EWSR1: variants seen among roughly 807,000 people sequenced by gnomAD.
EWSR1 encodes RNA-binding protein EWS.
In EWSR1, 14 loss-of-function variants were observed where a neutral mutation model predicts 92.1. The observed-to-expected ratio is 0.15, with a 90% CI of 0.10 to 0.24. The LOEUF (loss-of-function observed/expected upper bound fraction) is 0.24. Ranked by LOEUF, EWSR1 falls within the 10% of genes least tolerant of loss-of-function variation. EWSR1 has a pLI of 1.00. For synonymous variants in EWSR1, 303 were observed against 292.9 expected (o/e 1.03, Z -0.35); for missense variants, 637 against 870.9 (o/e 0.73, Z 3.38).
intron 8 of EWSR1, 22 bp from the exon 9 acceptor site, chr22:29,291,540 A>G: frequency 6.2e-7 from 1 of 1,611,060 alleles, no homozygotes; most frequent in Non-Finnish European, 8.5e-7. Context: ...AAAGGCCTTC[A>G]TTTCTTCGTT....
At chr22:29,277,213 T>A in intron 4 of EWSR1, 1 of 226,124 alleles carries the variant, frequency 4.4e-6, no homozygotes, top group Non-Finnish European at 8.8e-6. Flanking sequence ...GAGGAGAGAC[T>A]CTAGGGTTTA....
chr22:29,288,445 C>T (rs1027973632), intron 7 of EWSR1, among the ~76,000 whole-genome samples, 161 bp from the exon 8 acceptor site: 1 of 152,202 alleles, frequency 6.6e-6, no homozygotes, highest in Non-Finnish European at 1.5e-5. Flanking sequence ...TTTTGTTGAA[C>T]TTAAAAGAGC....
In EWSR1 at chr22:29,286,481, G is replaced by A. The variant is rs200772781; in HGVS notation, c.582-442G>A. ...AGGTGGGCGGATCATGAGGTCAGGA[G>A]ATGGAGACCATCCTGGCTAACAAGA... is the stretch of plus-strand genomic sequence containing the variant. On this transcript the variant is annotated intron_variant, in intron 6 of 16. Coordinates refer to ENST00000397938, the MANE Select transcript of EWSR1 (RefSeq NM_005243.4). Among the ~76,000 whole-genome samples, 17 of 152,048 alleles carry A rather than the reference G, an allele frequency of 1.1e-4. No homozygotes were observed. In the East Asian group the frequency reaches 3.3e-3, roughly 30 times the overall value.
At chr22:29,283,011 C>T (rs1208894849) in intron 6 of EWSR1, among the ~76,000 whole-genome samples, 1 of 152,224 alleles carries the variant, frequency 6.6e-6, no homozygotes, top group Non-Finnish European at 1.5e-5. Context: ...ATCCACCCAT[C>T]TCGGCCTCCC....
At chr22:29,278,987 T>C (rs1231764417) in intron 5 of EWSR1, among the ~76,000 whole-genome samples, 2 of 151,334 alleles carry the variant, frequency 1.3e-5, no homozygotes, top group Admixed American at 6.6e-5. Flanking sequence ...AGAGGAAGAC[T>C]TCACCTCAAA....
chr22:29,294,578 C>T (rs1190793241), intron 11 of EWSR1, among the ~76,000 whole-genome samples: 1 of 147,634 alleles, frequency 6.8e-6, no homozygotes, highest in Non-Finnish European at 1.5e-5. Context: ...GCATTCCAGC[C>T]TGGGTGACTG....
intron 8 of EWSR1, chr22:29,290,641 C>T: frequency 7.0e-7 from 1 of 1,425,504 alleles, no homozygotes; most frequent in Admixed American, 2.9e-5. Context: ...AGGTATAATA[C>T]TCTAGAATTG....
At position 29,299,738 on chromosome 22, in the gene EWSR1, CCGAGGTGGCTTTGGTGGAGGAAGA is replaced by C. The variant is rs1392007148; in HGVS notation, c.1828_1851del (p.Phe610_Gly617del). 6 of 1,610,602 alleles carry C rather than the reference CCGAGGTGGCTTTGGTGGAGGAAGA, an allele frequency of 3.7e-6. No individual in the cohort carries two copies. The highest frequency in any genetic ancestry group is 1.7e-5 in the Admixed American group (1 of 59,688). On this transcript the variant is annotated inframe_deletion, in exon 16 of 17. Transcript: ENST00000397938. ...GCTTCCGTGGTGGCCGGGGCATGGACCGAGGTGGCTTTGGTGGAGGAAGACGAGGTGGCCCTGGGGGGCCCCCTG... is the reference window on the plus strand; with the variant it reads ...GCTTCCGTGGTGGCCGGGGCATGGACCGAGGTGGCCCTGGGGGGCCCCCTG...
chr22:29,299,289 C>T lies in EWSR1; in HGVS notation c.1636C>T (p.Pro546Ser). The change falls in exon 15 of 17, where the codon CCA becomes TCA. Residue 546 changes from proline (P) to serine (S), a missense_variant. Transcript: ENST00000397938. ...WRTECNQCKAPKPEGFLPPPF... is the reference protein window; with the variant it reads ...WRTECNQCKASKPEGFLPPPF... ...AACAGAGTGCAACCAGTGTAAGGCC[C>T]CAAAGCCTGAAGGCTTCCTCCCGCC... is the stretch of plus-strand genomic sequence containing the variant. The T allele has an allele frequency of 5.6e-6, 9 of 1,614,032 alleles. No individual in the cohort carries two copies. Among genetic ancestry groups the T allele is most frequent in the Non-Finnish European group, 6.8e-6 (8 of 1,179,930 alleles).
Position 29,296,292 on chromosome 22 carries a change from A to G in EWSR1, c.1218A>G (p.Thr406=). The G allele has an allele frequency of 1.9e-6, 3 of 1,614,228 alleles. No individual in the cohort carries two copies. Among genetic ancestry groups the G allele is most frequent in the East Asian group, 2.2e-5 (1 of 44,892 alleles). Residue 406 remains threonine, a synonymous_variant, in exon 12 of 17, where the codon ACA becomes ACG. Transcript: ENST00000397938. ...PMIHIYLDKE[T]GKPKGDATVS... ...TCCACATCTACCTGGACAAGGAAAC[A>G]GGAAAGCCCAAAGGCGATGCCACAG...
intron 6 of EWSR1, among the ~76,000 whole-genome samples, chr22:29,284,625 T>G (rs2059878781): frequency 6.7e-6 from 1 of 148,784 alleles, no homozygotes; most frequent in Admixed American, 6.7e-5. Flanking sequence ...GTTAGAAGCT[T>G]TGTTTGTTTG....
chr22:29,297,967 C>T lies in EWSR1; in HGVS notation c.1417+18C>T, dbSNP rs1481929075. The T allele has an allele frequency of 1.2e-6, 2 of 1,603,968 alleles. No homozygotes were observed. Among genetic ancestry groups the T allele is most frequent in the Non-Finnish European group, 1.7e-6 (2 of 1,176,238 alleles). On this transcript the variant is annotated intron_variant, in intron 13 of 16. Transcript: ENST00000397938. ...CCGTGGAGGTACTTTTTCTGAGCTC[C>T]TATGTTGCATTAAAAGGTTTTCAGT...
At chr22:29,288,813 C>A in intron 8 of EWSR1, 27 bp downstream of exon 8, 1 of 1,536,060 alleles carries the variant, frequency 6.5e-7, no homozygotes, top group Non-Finnish European at 8.8e-7. Flanking sequence ...TCTCCTTTTA[C>A]CTAATTTTGT....
intron 12 of EWSR1, 54 bp from the exon 13 acceptor site, chr22:29,297,773 G>A (rs1342135813): frequency 6.2e-7 from 1 of 1,603,738 alleles, no homozygotes; most frequent in South Asian, 1.1e-5. Context: ...ATGATGTGGA[G>A]TTGGTGAACA....
At chr22:29,281,801 G>A (rs2059629095) in intron 5 of EWSR1, among the ~76,000 whole-genome samples, 1 of 150,574 alleles carries the variant, frequency 6.6e-6, no homozygotes, top group Non-Finnish European at 1.5e-5. Flanking sequence ...TAGCCAGGAT[G>A]GTCTCAATCT....
Position 29,268,346 on chromosome 22 carries a change from A to G in EWSR1, c.10A>G (p.Thr4Ala), listed in dbSNP as rs761661070. 1.2e-6 allele frequency: 2 copies of G among 1,614,166 alleles called. No homozygotes were observed. The highest frequency in any genetic ancestry group is 1.1e-5 in the South Asian group (1 of 91,088). MAS[T>A]DYSTYSQAAA... ...GGAGGAAGGAGAGAAAATGGCGTCC[A>G]CGGGTGAGTATGGTGGAACTGCGGT... The change falls in exon 1 of 17, where the codon ACG becomes GCG. Residue 4 changes from threonine (T) to alanine (A), a missense_variant. Transcript: ENST00000397938.
intron 4 of EWSR1, among the ~76,000 whole-genome samples, chr22:29,275,316 C>T (rs2059018161): frequency 6.6e-6 from 1 of 152,114 alleles, no homozygotes; most frequent in East Asian, 1.9e-4. Flanking sequence ...AGGAATGAGA[C>T]GGAGTGATTT....
chr22:29,300,381 T>TAAGAC lies in EWSR1; in HGVS notation c.*221_*225dup. ...CTTCCTTCTTTTAAAAATGGTTGTT[T>TAAGAC]AAGACTTTAACAATGGGAACCCCTT... is the stretch of plus-strand genomic sequence containing the variant. On this transcript the variant is annotated 3_prime_UTR_variant, in exon 17 of 17. Transcript: ENST00000397938. The TAAGAC allele has an allele frequency of 2.0e-6, 1 of 498,032 alleles. No individual in the cohort carries two copies. Among genetic ancestry groups the TAAGAC allele is most frequent in the East Asian group, 3.3e-5 (1 of 30,262 alleles). The allele number at this position is 498,032 out of a possible 1,614,324, so 30.9% of individuals were successfully genotyped here. A position where few individuals can be genotyped will look rare whatever the true frequency, so the allele number is the denominator to read the frequency against.
At chr22:29,269,693 A>G (rs1463392011) in intron 1 of EWSR1, 6 of 135,554 alleles carry the variant, frequency 4.4e-5, no homozygotes, top group African/African-American at 1.5e-4. Flanking sequence ...CCGGGATACC[A>G]AAGAGTGGAT....
Sources: allele counts gnomAD v4.1 joint callset (sites outside exome capture counted in the v4.1 genomes callset), GRCh38; gene constraint gnomAD v4.1.1; transcripts MANE v1.5; gene names NCBI Gene and HGNC (gene_info 2026-07-23, HGNC 2026-07-21).